The following GPC5 variants were observed in gnomAD, a reference collection of about 807,000 sequenced individuals.
GPC5 encodes glypican-5.
A neutral mutation model predicts 53.9 loss-of-function variants in GPC5; 47 were observed. The ratio of observed to expected loss-of-function variants is 0.87; its 90% CI spans 0.69 to 1.11. GPC5 has a LOEUF of 1.11. Ranked by LOEUF, GPC5 falls within the 50% of genes most tolerant of loss-of-function variation. The pLI is 0.00. For synonymous variants in GPC5, 286 were observed against 263.3 expected (o/e 1.09, Z -0.84); for missense variants, 748 against 713.1 (o/e 1.05, Z -0.56).
At chr13:91,696,609 AGTACT>A (rs1304605209) in intron 3 of GPC5, among the ~76,000 whole-genome samples, 1 of 152,216 alleles carries the variant, frequency 6.6e-6, no homozygotes, top group Non-Finnish European at 1.5e-5. Flanking sequence ...TCTGAGATCT[AGTACT>A]TCCAAGTCTA....
intron 6 of GPC5, among the ~76,000 whole-genome samples, chr13:92,097,990 G>C (rs1230834437): frequency 6.6e-6 from 1 of 152,042 alleles, no homozygotes; most frequent in Non-Finnish European, 1.5e-5. Flanking sequence ...TCTTTCCTTT[G>C]CACCTTTTTT....
chr13:92,532,913 T>C (rs1881611468), intron 7 of GPC5, among the ~76,000 whole-genome samples: 1 of 152,186 alleles, frequency 6.6e-6, no homozygotes, highest in South Asian at 2.1e-4. Flanking sequence ...AGGTAGATCC[T>C]AAGTGGCAGT....
At position 91,460,532 on chromosome 13, in the gene GPC5, C is replaced by T. The variant is rs147327055; in HGVS notation, c.325+11610C>T. ...GGCTAGGCTGGTTTCGAACTCCTGGCCTCAAGTGATCCACCCACCTCAGCC... is the reference window on the plus strand; with the variant it reads ...GGCTAGGCTGGTTTCGAACTCCTGGTCTCAAGTGATCCACCCACCTCAGCC... On this transcript the variant is annotated intron_variant, in intron 2 of 7. Transcript: ENST00000377067. Among the ~76,000 whole-genome samples, 535 of 152,118 alleles carry T rather than the reference C, an allele frequency of 3.5e-3. 3 individuals carry two copies. Among genetic ancestry groups the T allele is most frequent in the Non-Finnish European group, 6.4e-3 (433 of 67,968 alleles).
intron 2 of GPC5, among the ~76,000 whole-genome samples, chr13:91,459,379 G>T (rs1029501535): frequency 6.6e-6 from 1 of 152,056 alleles, no homozygotes; most frequent in Admixed American, 6.6e-5. Flanking sequence ...AAGAGGCACC[G>T]TGGTGACTTG....
Position 92,141,336 on chromosome 13 carries a change from G to A in GPC5, c.1402-3494G>A, listed in dbSNP as rs532544007. Among the ~76,000 whole-genome samples, 54 of 152,220 alleles carry A rather than the reference G, an allele frequency of 3.5e-4. No individual in the cohort carries two copies. The South Asian group carries it at 5.8e-3, about 16-fold the overall frequency. ...TACTGGGGACTGAGAATCACGAATCGGGTGGGATCCTGGATATATCTGAAT... is the reference window on the plus strand; with the variant it reads ...TACTGGGGACTGAGAATCACGAATCAGGTGGGATCCTGGATATATCTGAAT... On this transcript the variant is annotated intron_variant, in intron 6 of 7. Transcript: ENST00000377067.
chr13:91,731,941 T>C (rs1459139153), intron 4 of GPC5, among the ~76,000 whole-genome samples: 1 of 152,234 alleles, frequency 6.6e-6, no homozygotes, highest in Non-Finnish European at 1.5e-5. Flanking sequence ...TTGATGGACA[T>C]TTGTATATTG....
chr13:92,451,992 T>G (rs779913653), intron 7 of GPC5, among the ~76,000 whole-genome samples: 13 of 152,124 alleles, frequency 8.5e-5, no homozygotes, highest in Non-Finnish European at 1.8e-4. Flanking sequence ...AAAATAGGAC[T>G]AAGGGGAAAA....
At chr13:92,797,912 GGATA>G (rs1876757858) in intron 7 of GPC5, among the ~76,000 whole-genome samples, 1 of 151,678 alleles carries the variant, frequency 6.6e-6, no homozygotes, top group Admixed American at 6.6e-5. Flanking sequence ...TTTGATAGAT[GGATA>G]GATACAGTTC....
intron 6 of GPC5, among the ~76,000 whole-genome samples, chr13:92,074,656 G>A (rs1465994080): frequency 6.6e-6 from 1 of 152,122 alleles, no homozygotes; most frequent in African/African-American, 2.4e-5. Flanking sequence ...ATTGAGTATC[G>A]TGAGACAATG....
intron 7 of GPC5, among the ~76,000 whole-genome samples, chr13:92,597,738 G>T (rs1353769620): frequency 6.6e-6 from 1 of 152,170 alleles, no homozygotes; most frequent in East Asian, 1.9e-4. Flanking sequence ...ACAGAGAAAA[G>T]ATAGGAACCA....
At chr13:92,840,154 C>T (rs964905263) in intron 7 of GPC5, among the ~76,000 whole-genome samples, 11 of 128,882 alleles carry the variant, frequency 8.5e-5, no homozygotes, top group South Asian at 2.4e-4. Context: ...CTTTTTTGAC[C>T]GACATATTTC....
intron 5 of GPC5, among the ~76,000 whole-genome samples, chr13:91,837,650 G>C (rs1566295504): frequency 6.6e-6 from 1 of 152,160 alleles, no homozygotes; most frequent in Non-Finnish European, 1.5e-5. Flanking sequence ...AACTTCTGCT[G>C]TCATTTAACT....
rs142399889 is a variant in GPC5, at chr13:92,857,870, C to G, written c.1562-8412C>G. Among the ~76,000 whole-genome samples, 37 of 152,142 alleles carry G rather than the reference C, an allele frequency of 2.4e-4. 1 individual carries two copies. The East Asian group carries it at 6.8e-3, about 28-fold the overall frequency. Reference sequence around the variant, plus strand: ...AAAGGGAATATTTATACATTTCTGACGGATATGTAAATTAGTTCACCTGTG... The same window carrying G: ...AAAGGGAATATTTATACATTTCTGAGGGATATGTAAATTAGTTCACCTGTG... On this transcript the variant is annotated intron_variant, in intron 7 of 7. Coordinates refer to ENST00000377067, the MANE Select transcript of GPC5 (RefSeq NM_004466.6).
intron 7 of GPC5, among the ~76,000 whole-genome samples, chr13:92,232,560 A>G (rs539415560): frequency 1.2e-4 from 18 of 152,330 alleles, no homozygotes; most frequent in African/African-American, 4.3e-4. Flanking sequence ...CCAGACTCAT[A>G]TTACAGTTTT....
At chr13:91,531,297 A>G (rs1886331162) in intron 2 of GPC5, among the ~76,000 whole-genome samples, 1 of 152,214 alleles carries the variant, frequency 6.6e-6, no homozygotes, top group African/African-American at 2.4e-5. Flanking sequence ...ATACTTACTG[A>G]ATAGCTTTAG....
chr13:91,890,145 T>C (rs1019919568), intron 5 of GPC5, among the ~76,000 whole-genome samples: 1 of 152,162 alleles, frequency 6.6e-6, no homozygotes, highest in African/African-American at 2.4e-5. Flanking sequence ...CATTCCAAGG[T>C]TGGACAGGAC....
At chr13:91,618,900 C>A (rs1344569443) in intron 2 of GPC5, among the ~76,000 whole-genome samples, 2 of 152,026 alleles carry the variant, frequency 1.3e-5, no homozygotes, top group African/African-American at 4.8e-5. Context: ...TTTAAAGCAT[C>A]TGGTATATAG....
At chr13:91,538,227 T>G (rs1886677562) in intron 2 of GPC5, among the ~76,000 whole-genome samples, 1 of 152,226 alleles carries the variant, frequency 6.6e-6, no homozygotes, top group African/African-American at 2.4e-5. Context: ...ATATCACAGT[T>G]GAGCAAGGAG....
At chr13:92,297,882 C>T (rs1046146968) in intron 7 of GPC5, among the ~76,000 whole-genome samples, 21 of 152,146 alleles carry the variant, frequency 1.4e-4, no homozygotes, top group Non-Finnish European at 2.2e-4. Flanking sequence ...TAACACTCAC[C>T]GCGAAGATCT....
Sources: gnomAD v4.1 joint callset for allele counts (sites outside exome capture counted in the v4.1 genomes callset) on GRCh38, gnomAD v4.1.1 for gene constraint, MANE v1.5 for transcripts, NCBI Gene and HGNC (gene_info 2026-07-23, HGNC 2026-07-21) for gene names.